The following ZNF254 variants were observed in gnomAD, a reference collection of about 807,000 sequenced individuals.
The protein encoded by ZNF254 is zinc finger protein 254.
A neutral mutation model predicts 12.4 loss-of-function variants in ZNF254; 10 were observed. The observed-to-expected ratio is 0.80, with a 90% confidence interval of 0.50 to 1.36. The LOEUF (loss-of-function observed/expected upper bound fraction) is 1.36. ZNF254 is among the 40% of genes most tolerant of loss of function. The probability of loss-of-function intolerance (pLI) is 0.00; values close to 1 mark genes in which losing one functional copy is unlikely to be tolerated. For missense variants in ZNF254, 996 were observed against 763.9 expected (o/e 1.30, Z -3.58); for synonymous variants, 305 against 253.4 (o/e 1.20, Z -1.93).
intron 3 of ZNF254, among the ~76,000 whole-genome samples, 196 bp from the exon 4 acceptor site, chr19:24,126,058 T>C (rs1016567655): frequency 6.6e-6 from 1 of 152,162 alleles, no homozygotes; most frequent in Non-Finnish European, 1.5e-5. Flanking sequence ...CTTAAATCAT[T>C]TATGAATTTT....
At chr19:24,116,382 G>T (rs931918566) in intron 3 of ZNF254, among the ~76,000 whole-genome samples, 5 of 151,998 alleles carry the variant, frequency 3.3e-5, no homozygotes, top group Non-Finnish European at 7.4e-5. Context: ...TTTCTTGGAG[G>T]CTTTTTTCAA....
At chr19:24,068,325 G>A (rs539942899) in intron 2 of ZNF254, among the ~76,000 whole-genome samples, 164 of 151,440 alleles carry the variant, frequency 1.1e-3, no homozygotes, top group African/African-American at 3.8e-3. Flanking sequence ...TTTTGAGGCA[G>A]AGTCTCACTC....
upstream of ZNF254, among the ~76,000 whole-genome samples, chr19:24,084,566 A>G (rs941721747): frequency 6.6e-6 from 1 of 152,104 alleles, no homozygotes; most frequent in Non-Finnish European, 1.5e-5. Context: ...AATAATAATA[A>G]TAATAAACAA....
At chr19:24,044,537 C>CAAA (rs767180895) in intron 1 of ZNF254, among the ~76,000 whole-genome samples, 204 of 116,432 alleles carry the variant, frequency 1.8e-3, no homozygotes, top group African/African-American at 6.0e-3. Context: ...GACTCAGTCT[C>CAAA]AAAAAAAAAA....
At chr19:24,087,431 C>T in intron 1 of ZNF254, 94 bp downstream of exon 1, 2 of 1,521,092 alleles carry the variant, frequency 1.3e-6, no homozygotes, top group Non-Finnish European at 1.8e-6. Flanking sequence ...TCCCCCCAGT[C>T]AGCTCCACAA....
In ZNF254 at chr19:24,126,463, C is replaced by A; in HGVS notation, c.463C>A (p.Gln155Lys). 6.3e-7 allele frequency: 1 copy of A among 1,591,024 alleles called. No individual in the cohort carries two copies. The highest frequency in any genetic ancestry group is 2.2e-5 in the East Asian group (1 of 44,742). Residue 155 changes from glutamine to lysine, a missense_variant, in exon 4 of 4, where the codon CAA becomes AAA. Physicochemically the swap from Gln to Lys is moderately conservative, Grantham distance 53. Coordinates refer to ENST00000357002, the MANE Select transcript of ZNF254 (RefSeq NM_203282.4). ...CFTTAQSKVF[Q>K]CDKYLKVFYK... ...CACAACTGCCCAGAGCAAAGTATTT[C>A]AATGTGATAAATATTTGAAAGTCTT...
At chr19:24,088,963 T>C (rs1434264984) in intron 1 of ZNF254, among the ~76,000 whole-genome samples, 1 of 119,366 alleles carries the variant, frequency 8.4e-6, no homozygotes, top group African/African-American at 3.0e-5. Context: ...GGCCAATTAA[T>C]CTTTTTTTTT....
At chr19:24,089,565 A>G (rs978246188) in intron 1 of ZNF254, among the ~76,000 whole-genome samples, 4 of 152,138 alleles carry the variant, frequency 2.6e-5, no homozygotes, top group African/African-American at 9.7e-5. Flanking sequence ...GATACCCACC[A>G]TGGCTATGTC....
intron 2 of ZNF254, chr19:24,048,984 T>G (rs1970516424): frequency 2.0e-5 from 3 of 151,728 alleles, no homozygotes. Context: ...ACTCCCACGG[T>G]CAAGCGATCT....
chr19:24,045,013 A>G (rs899558914), intron 1 of ZNF254, among the ~76,000 whole-genome samples: 1 of 152,122 alleles, frequency 6.6e-6, no homozygotes, highest in Non-Finnish European at 1.5e-5. Context: ...ATGATACCGT[A>G]CCTTGTTTTA....
chr19:24,108,921 TGAG>T, intron 3 of ZNF254, among the ~76,000 whole-genome samples: 1 of 152,274 alleles, frequency 6.6e-6, no homozygotes, highest in East Asian at 1.9e-4. Context: ...TTTGGGAGGC[TGAG>T]GTGTGTGGAT....
chr19:24,035,590 T>C (rs1174543253), intron 1 of ZNF254, among the ~76,000 whole-genome samples: 1 of 152,010 alleles, frequency 6.6e-6, no homozygotes, highest in East Asian at 1.9e-4. Flanking sequence ...GGAGAATAAC[T>C]TGAATCTGGG....
At chr19:24,074,230 TA>T (rs55633463) in intron 2 of ZNF254, among the ~76,000 whole-genome samples, 26,389 of 152,206 alleles carry the variant, frequency 0.17, 2,718 homozygotes, top group Middle Eastern at 0.26. Flanking sequence ...GTGACTCTCT[TA>T]TTCTACCAGG....
At position 24,092,772 on chromosome 19, in the gene ZNF254, C is replaced by G. The variant is rs571592815; in HGVS notation, c.30+5435C>G. Among the ~76,000 whole-genome samples, 18 of 152,318 alleles carry G rather than the reference C, an allele frequency of 1.2e-4. 1 individual carries two copies. In the South Asian group the frequency reaches 3.5e-3, roughly 30 times the overall value. On this transcript the variant is annotated intron_variant, in intron 1 of 3. Transcript: ENST00000357002. ...TGTGAATAGTGCTGTAGTGAACACC[C>G]TTGTGCATGTGTGTTTATGACAGAA...
At chr19:24,114,091 G>A (rs1286750211) in intron 3 of ZNF254, among the ~76,000 whole-genome samples, 1 of 151,646 alleles carries the variant, frequency 6.6e-6, no homozygotes, top group Non-Finnish European at 1.5e-5. Context: ...TCATGAAAAT[G>A]GCCATACTGC....
chr19:24,074,329 A>G (rs559732237), intron 2 of ZNF254, among the ~76,000 whole-genome samples: 27 of 152,250 alleles, frequency 1.8e-4, no homozygotes, highest in African/African-American at 6.5e-4. Context: ...TCTGCTCTCA[A>G]TGTAGATTGT....
chr19:24,036,058 T>C (rs905144991), intron 1 of ZNF254, among the ~76,000 whole-genome samples: 4 of 151,870 alleles, frequency 2.6e-5, no homozygotes. Flanking sequence ...TTTTGTTTTG[T>C]TTTGTTTTGT....
chr19:24,106,621 T>C lies in ZNF254; in HGVS notation c.231T>C (p.His77=), dbSNP rs763181020. ...QGKEPWNMKR[H]EMVDEPPGMC... ...AAGAGCCCTGGAATATGAAGCGACATGAGATGGTGGATGAACCCCCAGGTA... is the reference window on the plus strand; with the variant it reads ...AAGAGCCCTGGAATATGAAGCGACACGAGATGGTGGATGAACCCCCAGGTA... The change falls in exon 3 of 4, where the codon CAT becomes CAC. Residue 77 remains histidine, a synonymous_variant. Coordinates refer to ENST00000357002, the MANE Select transcript of ZNF254 (RefSeq NM_203282.4). The C allele has an allele frequency of 6.3e-7, 1 of 1,582,072 alleles. No homozygotes were observed. The highest frequency in any genetic ancestry group is 1.7e-5 in the Admixed American group (1 of 58,984).
intron 3 of ZNF254, among the ~76,000 whole-genome samples, chr19:24,115,888 C>G (rs1363054279): frequency 6.6e-6 from 1 of 152,102 alleles, no homozygotes; most frequent in African/African-American, 2.4e-5. Context: ...TAGGGCAGGC[C>G]TGGTGGTGAC....
Sources: gnomAD v4.1 joint callset for allele counts (sites outside exome capture counted in the v4.1 genomes callset) on GRCh38, gnomAD v4.1.1 for gene constraint, MANE v1.5 for transcripts, NCBI Gene and HGNC (gene_info 2026-07-23, HGNC 2026-07-21) for gene names.